TEX2: variants seen among roughly 807,000 people sequenced by gnomAD.
TEX2 encodes testis expressed 2, also known as testis-expressed protein 2.
Under a neutral mutation model 106.9 loss-of-function variants are expected in TEX2, and 53 were observed. The ratio of observed to expected loss-of-function variants is 0.50; its 90% CI spans 0.40 to 0.62. The LOEUF (loss-of-function observed/expected upper bound fraction) is 0.62. Among genes scored for constraint, TEX2 ranks in the 20% least tolerant of loss-of-function variants. The probability of loss-of-function intolerance (pLI) is 0.00; values close to 1 mark genes in which losing one functional copy is unlikely to be tolerated. For synonymous variants in TEX2, 523 were observed against 534.8 expected, an observed-to-expected ratio of 0.98 and a Z score of 0.30; for missense variants, 1,207 against 1,379.0, an observed-to-expected ratio of 0.88 and a Z score of 1.98.
rs1292199076 is a variant in TEX2, at chr17:64,262,361, ACTATCAACCCACTGAGGGG to A, written c.-26+788_-26+806del. Among the ~76,000 whole-genome samples the A allele has an allele frequency of 3.2e-4, 48 of 152,352 alleles. 1 individual carries two copies. Among genetic ancestry groups the A allele is most frequent in the African/African-American group, 1.1e-3 (47 of 41,588 alleles). On this transcript the variant is annotated intron_variant, in intron 1 of 11. Coordinates refer to ENST00000584379, the MANE Select transcript of TEX2 (RefSeq NM_001288732.2). ...ACCATAACAACCGATGGTTTAAGTA[ACTATCAACCCACTGAGGGG>A]CTAAGTTTTCCAAAAATCGTTTTCA...
rs1049357314 is a variant in TEX2, at chr17:64,260,053, G to C, written c.-26+3115C>G. 4.6e-5 allele frequency among the ~76,000 whole-genome samples: 7 copies of C among 152,332 alleles called. No individual in the cohort carries two copies. The East Asian group carries it at 1.3e-3, about 29-fold the overall frequency. On this transcript the variant is annotated intron_variant, in intron 1 of 11. Transcript: ENST00000584379. ...TAAGGTCACAGAGCTGGTAAGCAGA[G>C]CACAAGGATACAGACCCAGTCAGTC...
chr17:64,251,582 C>A (rs962003804), intron 1 of TEX2, among the ~76,000 whole-genome samples: 1 of 152,102 alleles, frequency 6.6e-6, no homozygotes, highest in Non-Finnish European at 1.5e-5. Context: ...TCAAAGTTCC[C>A]GGGGAAGACC....
At chr17:64,242,109 C>A (rs1555635834) in intron 1 of TEX2, among the ~76,000 whole-genome samples, 1 of 152,188 alleles carries the variant, frequency 6.6e-6, no homozygotes, top group Non-Finnish European at 1.5e-5. Flanking sequence ...GCACATAATA[C>A]CTAAGTAACC....
chr17:64,171,543 C>G (rs1015938580), intron 6 of TEX2, among the ~76,000 whole-genome samples: 1 of 151,960 alleles, frequency 6.6e-6, no homozygotes, highest in Admixed American at 6.5e-5. Flanking sequence ...CTGAGGAGGT[C>G]AGGGATGGCT....
At chr17:64,172,484 C>T (rs1189227408) in intron 6 of TEX2, among the ~76,000 whole-genome samples, 11 of 152,200 alleles carry the variant, frequency 7.2e-5, no homozygotes, top group Admixed American at 6.5e-4. Context: ...TTTTACCCTC[C>T]AGCTTCTGGT....
intron 2 of TEX2, among the ~76,000 whole-genome samples, chr17:64,208,027 C>A (rs1417026929): frequency 6.6e-6 from 1 of 152,162 alleles, no homozygotes; most frequent in Non-Finnish European, 1.5e-5. Flanking sequence ...AGCCACCACA[C>A]CCGGCCAGTA....
intron 1 of TEX2, among the ~76,000 whole-genome samples, chr17:64,223,713 C>CTTT (rs34897234): frequency 5.2e-4 from 58 of 110,736 alleles, no homozygotes; most frequent in Admixed American, 1.6e-3. Context: ...AACAGAGCAT[C>CTTT]TTTTTTTTTT....
At chr17:64,167,338 T>G (rs906469719) in intron 7 of TEX2, among the ~76,000 whole-genome samples, 2 of 152,230 alleles carry the variant, frequency 1.3e-5, no homozygotes, top group African/African-American at 4.8e-5. Context: ...ATCTGTAGGA[T>G]GGTCAACTGG....
chr17:64,154,897 C>G lies in TEX2; in HGVS notation c.2875G>C (p.Asp959His), dbSNP rs1231568950. 1.2e-6 allele frequency: 2 copies of G among 1,610,284 alleles called. No individual in the cohort carries two copies. Among genetic ancestry groups the G allele is most frequent in the African/African-American group, 2.7e-5 (2 of 74,776 alleles). ...CCCCCGCTGGGCTCTGGGGCATCGT[C>G]TTCCTCGGAGGAGCCAGCGCTGGAG... Reference protein sequence around the residue: ...ESSSAGSSEEDDAPEPSGGDK... With the variant: ...ESSSAGSSEEHDAPEPSGGDK... Residue 959 changes from aspartate to histidine, a missense_variant, in exon 9 of 12, where the codon GAC (aspartate) becomes CAC (histidine). Coordinates refer to ENST00000584379, the MANE Select transcript of TEX2 (RefSeq NM_001288732.2).
At chr17:64,193,914 TTA>T (rs1791316342) in intron 3 of TEX2, 25 bp from the exon 4 acceptor site, 2 of 1,479,960 alleles carry the variant, frequency 1.4e-6, no homozygotes, top group Non-Finnish European at 1.8e-6. Context: ...AAATGATGAT[TTA>T]TATATTAAAG....
chr17:64,257,488 A>G (rs1555637899), intron 1 of TEX2, among the ~76,000 whole-genome samples: 1 of 152,248 alleles, frequency 6.6e-6, no homozygotes, highest in East Asian at 1.9e-4. Flanking sequence ...AAAATTGCAG[A>G]AATAAACAAT....
At chr17:64,183,927 C>T (rs978588928) in intron 5 of TEX2, among the ~76,000 whole-genome samples, 10 of 151,868 alleles carry the variant, frequency 6.6e-5, no homozygotes, top group African/African-American at 2.2e-4. Context: ...CACCACTGTG[C>T]CTGGCCACCA....
chr17:64,191,253 T>G (rs2032285595), intron 4 of TEX2, among the ~76,000 whole-genome samples: 1 of 152,242 alleles, frequency 6.6e-6, no homozygotes, highest in African/African-American at 2.4e-5. Context: ...TGTTGTGTGC[T>G]GAGTGGAACT....
At position 64,213,005 on chromosome 17, in the gene TEX2, A is replaced by G. The variant is rs1555631856; in HGVS notation, c.1213T>C (p.Cys405Arg). ...TTGCTCACTAAGGCAGACAAAGAAC[A>G]TTTCTCCAGAACTAGAGAACTTGTC... The part of the protein sequence containing the change: ...LKTSSLVLEK[C>R]SLSALVSKED... Residue 405 changes from cysteine (C) to arginine (R), a missense_variant, in exon 2 of 12, where the codon TGT becomes CGT. By Grantham distance (180) the Cys-to-Arg change is radical. Transcript: ENST00000584379. This position sits in a 1 kb window ranked among gnomAD's most constrained non-coding sequence, Gnocchi z 4.4. 1.9e-6 allele frequency: 3 copies of G among 1,614,238 alleles called. No homozygotes were observed. The South Asian group carries it at 3.3e-5, about 18-fold the overall frequency.
chr17:64,208,976 C>G (rs782090001), intron 2 of TEX2, among the ~76,000 whole-genome samples: 3 of 152,134 alleles, frequency 2.0e-5, no homozygotes, highest in Non-Finnish European at 4.4e-5. Flanking sequence ...AGGGTCAATA[C>G]CAACTCACTG....
At chr17:64,192,365 G>A (rs148938120) in intron 4 of TEX2, among the ~76,000 whole-genome samples, 80 of 152,344 alleles carry the variant, frequency 5.3e-4, no homozygotes, top group African/African-American at 1.8e-3. Context: ...GCCACTGACA[G>A]ACAATGCCAT....
At chr17:64,186,888 T>C (rs1421457350) in intron 5 of TEX2, among the ~76,000 whole-genome samples, 1 of 152,186 alleles carries the variant, frequency 6.6e-6, no homozygotes, top group Non-Finnish European at 1.5e-5. Context: ...AGGCAGAGAC[T>C]GTGACTCTGA....
intron 1 of TEX2, among the ~76,000 whole-genome samples, chr17:64,242,620 T>A (rs2033908528): frequency 6.6e-6 from 1 of 151,962 alleles, no homozygotes; most frequent in African/African-American, 2.4e-5. Flanking sequence ...AGGGCCTGCC[T>A]CTGAACCAGA....
intron 10 of TEX2, among the ~76,000 whole-genome samples, chr17:64,152,668 G>A (rs2030414059): frequency 6.6e-6 from 1 of 152,192 alleles, no homozygotes; most frequent in African/African-American, 2.4e-5. Context: ...TTACAGAGGA[G>A]GAAGACCAAT....
Sources: allele counts gnomAD v4.1 joint callset (sites outside exome capture counted in the v4.1 genomes callset), GRCh38; gene constraint gnomAD v4.1.1; non-coding constraint Gnocchi (gnomAD v3.1); transcripts MANE v1.5; gene names NCBI Gene and HGNC (gene_info 2026-07-23, HGNC 2026-07-21).